The following FLRT2 variants were observed in gnomAD, a reference collection of about 807,000 sequenced individuals.
FLRT2 encodes leucine-rich repeat transmembrane protein FLRT2.
In FLRT2, 15 loss-of-function variants were observed where a neutral mutation model predicts 40.0. The ratio of observed to expected loss-of-function variants is 0.38; its 90% confidence interval spans 0.25 to 0.58. The LOEUF (loss-of-function observed/expected upper bound fraction) is 0.58, where lower values mean the gene tolerates loss of function less well. FLRT2 is among the 20% of genes least tolerant of loss of function. The probability of loss-of-function intolerance (pLI) is 0.71; values close to 1 mark genes in which losing one functional copy is unlikely to be tolerated. For missense variants in FLRT2, 726 were observed against 840.0 expected, an observed-to-expected ratio of 0.86 and a Z score of 1.68; for synonymous variants, 380 against 336.8, an observed-to-expected ratio of 1.13 and a Z score of -1.41.
At chr14:85,554,568 T>G (rs776348080) in intron 1 of FLRT2, among the ~76,000 whole-genome samples, 1 of 152,224 alleles carries the variant, frequency 6.6e-6, no homozygotes, top group Non-Finnish European at 1.5e-5. Flanking sequence ...TAAAATTGCT[T>G]AGAAATTCAG....
At chr14:85,571,649 G>T (rs1890897447) in intron 1 of FLRT2, among the ~76,000 whole-genome samples, 1 of 152,132 alleles carries the variant, frequency 6.6e-6, no homozygotes, top group Non-Finnish European at 1.5e-5. Flanking sequence ...GCTGTGGTGG[G>T]TCAGCATGGG....
intron 1 of FLRT2, among the ~76,000 whole-genome samples, chr14:85,583,113 A>G (rs1891464340): frequency 6.6e-6 from 1 of 152,184 alleles, no homozygotes; most frequent in Non-Finnish European, 1.5e-5. Flanking sequence ...CTGTGTGCAG[A>G]AAATCGTTGA....
Position 85,639,106 on chromosome 14 carries a change from C to T in FLRT2, c.*15609C>T, listed in dbSNP as rs948965689. 2.6e-5 allele frequency: 4 copies of T among 152,130 alleles called. No individual in the cohort carries two copies. The highest frequency in any genetic ancestry group is 9.7e-5 in the African/African-American group (4 of 41,426). The allele number at this position is 152,130 out of a possible 1,614,324, so 9.4% of individuals were successfully genotyped here. On this transcript the variant is annotated 3_prime_UTR_variant, in exon 2 of 2. Transcript: ENST00000330753. ...AAACCAAAAGAATTTCCAGAGCAGG[C>T]AGTCTCTATTCTGTAACAAGGTTTT...
chr14:85,634,198 T>C lies in FLRT2; in HGVS notation c.*10701T>C, dbSNP rs951183456. 5 of 152,238 alleles carry C rather than the reference T, an allele frequency of 3.3e-5. No homozygotes were observed. Among genetic ancestry groups the C allele is most frequent in the African/African-American group, 1.2e-4 (5 of 41,476 alleles). 9.4% of individuals were successfully genotyped at this position (152,238 alleles called of 1,614,324 possible). A position where few individuals can be genotyped will look rare whatever the true frequency, so the allele number is the denominator to read the frequency against. On this transcript the variant is annotated 3_prime_UTR_variant, in exon 2 of 2. Transcript: ENST00000330753. Reference sequence around the variant, plus strand: ...CCTTTCTATTTATGTCTTTCCTTGCTTAATAAATGCAGAAGTTCAGACATT... The same window carrying C: ...CCTTTCTATTTATGTCTTTCCTTGCCTAATAAATGCAGAAGTTCAGACATT...
At chr14:85,565,050 C>A (rs567723166) in intron 1 of FLRT2, among the ~76,000 whole-genome samples, 221 of 152,318 alleles carry the variant, frequency 1.5e-3, no homozygotes, top group African/African-American at 5.1e-3. Context: ...GTCAGTGGTA[C>A]AAAGCCACAG....
At chr14:85,566,543 C>A (rs1890620395) in intron 1 of FLRT2, among the ~76,000 whole-genome samples, 1 of 62,478 alleles carries the variant, frequency 1.6e-5, no homozygotes. Flanking sequence ...CTCTTAACTT[C>A]CATGGTTGTG....
At position 85,623,187 on chromosome 14, in the gene FLRT2, T is replaced by C. The variant is rs1893506460; in HGVS notation, c.1673T>C (p.Leu558Ser). The change falls in exon 2 of 2, where the codon TTG becomes TCG. Residue 558 changes from leucine (L) to serine (S), a missense_variant. By Grantham distance (145) the Leu-to-Ser change is moderately radical. This residue lies in a region of FLRT2 where 611 missense variants were observed against 690.0 expected (regional missense o/e 0.89). Coordinates refer to ENST00000330753, the MANE Select transcript of FLRT2 (RefSeq NM_013231.6). ...GGAVIFVLVVLLSVFCWHMHK... is the reference protein window; with the variant it reads ...GGAVIFVLVVSLSVFCWHMHK... Reference sequence around the variant, plus strand: ...GCGGTGATATTTGTGCTGGTGGTCTTGCTCAGCGTCTTTTGCTGGCATATG... The same window carrying C: ...GCGGTGATATTTGTGCTGGTGGTCTCGCTCAGCGTCTTTTGCTGGCATATG... 3 of 1,552,474 alleles carry C rather than the reference T, an allele frequency of 1.9e-6. No homozygotes were observed. The highest frequency in any genetic ancestry group is 2.6e-6 in the Non-Finnish European group (3 of 1,149,984).
chr14:85,559,681 A>T (rs1420048241), intron 1 of FLRT2, among the ~76,000 whole-genome samples: 20 of 151,978 alleles, frequency 1.3e-4, no homozygotes, highest in Admixed American at 1.3e-3. Context: ...TCAGTTTAAT[A>T]TGATCATTAT....
In FLRT2 at chr14:85,637,121, C is replaced by CAA. The variant is rs1417996288; in HGVS notation, c.*13626_*13627dup. The stretch of plus-strand genomic sequence containing the variant: ...TAAATGTAAACACATTTTACACATA[C>CAA]AAATCTTTTCTGGCATGGGTACAAA... On this transcript the variant is annotated 3_prime_UTR_variant, in exon 2 of 2. Coordinates refer to ENST00000330753, the MANE Select transcript of FLRT2 (RefSeq NM_013231.6). The CAA allele has an allele frequency of 3.9e-5, 6 of 152,050 alleles. No individual in the cohort carries two copies. The highest frequency in any genetic ancestry group is 6.5e-5 in the Admixed American group (1 of 15,270). 9.4% of individuals were successfully genotyped at this position (152,050 alleles called of 1,614,324 possible).
chr14:85,580,827 A>G (rs1292603503), intron 1 of FLRT2, among the ~76,000 whole-genome samples: 1 of 152,102 alleles, frequency 6.6e-6, no homozygotes, highest in Non-Finnish European at 1.5e-5. Context: ...TTACTTATAT[A>G]TCAAGGAGTA....
chr14:85,647,727 T>A lies in FLRT2; in HGVS notation c.*24230T>A, dbSNP rs1894339465. ...ACAGAAACATCTCTAAGAACTTCCATGCTTTTTTGTCAAGTTAAATGGACA... is the reference window on the plus strand; with the variant it reads ...ACAGAAACATCTCTAAGAACTTCCAAGCTTTTTTGTCAAGTTAAATGGACA... On this transcript the variant is annotated 3_prime_UTR_variant, in exon 2 of 2. Coordinates refer to ENST00000330753, the MANE Select transcript of FLRT2 (RefSeq NM_013231.6). The A allele has an allele frequency of 6.6e-6, 1 of 152,170 alleles. No homozygotes were observed. Among genetic ancestry groups the A allele is most frequent in the South Asian group, 2.1e-4 (1 of 4,832 alleles). The allele number at this position is 152,170 out of a possible 1,614,324, so 9.4% of individuals were successfully genotyped here. A position where few individuals can be genotyped will look rare whatever the true frequency, so the allele number is the denominator to read the frequency against.
At chr14:85,576,630 G>A (rs191669630) in intron 1 of FLRT2, among the ~76,000 whole-genome samples, 40 of 152,288 alleles carry the variant, frequency 2.6e-4, no homozygotes, top group Middle Eastern at 3.4e-3. Context: ...AATTCCAAAT[G>A]CAATGGCAGT....
rs12890795 is a variant in FLRT2, at chr14:85,625,828, A to C, written c.*2331A>C. On this transcript the variant is annotated 3_prime_UTR_variant, in exon 2 of 2. Coordinates refer to ENST00000330753, the MANE Select transcript of FLRT2 (RefSeq NM_013231.6). The stretch of plus-strand genomic sequence containing the variant: ...ACTTTTGAGGGTTTTTATTTCTGTT[A>C]TTCACAAAATACTCATTCTCATTTA... 1 of 167,030 alleles carries C rather than the reference A, an allele frequency of 6.0e-6. No individual in the cohort carries two copies. Among genetic ancestry groups the C allele is most frequent in the Non-Finnish European group, 1.5e-5 (1 of 68,112 alleles). 10.3% of individuals were successfully genotyped at this position (167,030 alleles called of 1,614,324 possible).
At chr14:85,620,328 T>C (rs939510021) in intron 1 of FLRT2, among the ~76,000 whole-genome samples, 14 of 152,076 alleles carry the variant, frequency 9.2e-5, no homozygotes, top group Non-Finnish European at 1.8e-4. Context: ...AAAAGAAAAA[T>C]AATGATTCCA....
At position 85,611,897 on chromosome 14, in the gene FLRT2, A is replaced by AGC. The variant is rs1239635149; in HGVS notation, c.-376-9241_-376-9240insCG. 1.9e-3 allele frequency among the ~76,000 whole-genome samples: 209 copies of AGC among 110,908 alleles called. 7 individuals are homozygous for AGC. The highest frequency in any genetic ancestry group is 0.013 in the East Asian group (53 of 4,206). The allele number at this position is 110,908 out of a possible 152,430, so 72.8% of individuals were successfully genotyped here. A position where few individuals can be genotyped will look rare whatever the true frequency, so the allele number is the denominator to read the frequency against. The stretch of plus-strand genomic sequence containing the variant: ...TTTTCATGTGAGGGGAGAGAGAGAG[A>AGC]GAGCGCGCGTGCGCGAAAGCGTGTG... On this transcript the variant is annotated intron_variant, in intron 1 of 1. Coordinates refer to ENST00000330753, the MANE Select transcript of FLRT2 (RefSeq NM_013231.6).
chr14:85,612,509 C>T (rs902257545), intron 1 of FLRT2, among the ~76,000 whole-genome samples: 5 of 152,100 alleles, frequency 3.3e-5, no homozygotes, highest in Non-Finnish European at 7.4e-5. Context: ...TTTAGAATGA[C>T]TCGATTTGAT....
intron 1 of FLRT2, among the ~76,000 whole-genome samples, chr14:85,618,461 A>G (rs1329435277): frequency 6.6e-6 from 1 of 152,142 alleles, no homozygotes. Context: ...TTATTCTTAA[A>G]TGTTTTACAA....
At chr14:85,614,272 C>T (rs1299143301) in intron 1 of FLRT2, among the ~76,000 whole-genome samples, 1 of 152,110 alleles carries the variant, frequency 6.6e-6, no homozygotes, top group South Asian at 2.1e-4. Context: ...CTCTCTTAAA[C>T]CAGTTTATTG....
intron 1 of FLRT2, among the ~76,000 whole-genome samples, chr14:85,586,552 TA>T (rs35805014): frequency 0.29 from 44,093 of 151,908 alleles, 7,549 homozygotes; most frequent in Non-Finnish European, 0.39. Flanking sequence ...AATGAACACT[TA>T]AAAAAAGAAT....
Sources: gnomAD v4.1 joint callset for allele counts (sites outside exome capture counted in the v4.1 genomes callset) on GRCh38, gnomAD v4.1.1 for gene constraint, gnomAD v4.1.1 regional missense constraint, MANE v1.5 for transcripts, NCBI Gene and HGNC (gene_info 2026-07-23, HGNC 2026-07-21) for gene names.